OSBPL10: variants seen among roughly 807,000 people sequenced by gnomAD.
OSBPL10 encodes the protein oxysterol binding protein like 10.
OSBPL10 carries 49 observed loss-of-function variants against 81.7 expected under a neutral mutation model. That is an observed-to-expected ratio of 0.60 (90% CI 0.48 to 0.76). The LOEUF is 0.76. Ranked by LOEUF, OSBPL10 falls within the 30% of genes least tolerant of loss-of-function variation. The probability of loss-of-function intolerance (pLI) is 0.00; values close to 1 mark genes in which losing one functional copy is unlikely to be tolerated. For missense variants in OSBPL10, 923 were observed against 987.8 expected (o/e 0.93, Z 0.88); for synonymous variants, 419 against 383.6 (o/e 1.09, Z -1.08).
intron 4 of OSBPL10, among the ~76,000 whole-genome samples, chr3:31,826,445 C>T (rs13086512): frequency 0.33 from 50,113 of 152,016 alleles, 8,643 homozygotes; most frequent in East Asian, 0.61. Context: ...CTCAATTCCT[C>T]ATATTTTGGA....
chr3:31,744,684 C>T (rs1697466046), intron 5 of OSBPL10, among the ~76,000 whole-genome samples: 1 of 151,950 alleles, frequency 6.6e-6, no homozygotes, highest in Non-Finnish European at 1.5e-5. Flanking sequence ...CTCCCCTTTT[C>T]CCAATAATTT....
intron 4 of OSBPL10, among the ~76,000 whole-genome samples, chr3:31,809,035 C>G (rs987576516): frequency 6.6e-6 from 1 of 152,016 alleles, no homozygotes; most frequent in African/African-American, 2.4e-5. Flanking sequence ...GCATTTTCAG[C>G]AAAAGTAAGA....
At chr3:31,816,946 C>CA (rs1309170057) in intron 4 of OSBPL10, among the ~76,000 whole-genome samples, 2 of 152,288 alleles carry the variant, frequency 1.3e-5, no homozygotes, top group East Asian at 3.9e-4. Context: ...CAGCTATCAG[C>CA]AGAGAGGGTA....
At chr3:31,692,891 G>A (rs1047475981) in intron 7 of OSBPL10, among the ~76,000 whole-genome samples, 1 of 152,368 alleles carries the variant, frequency 6.6e-6, no homozygotes, top group Middle Eastern at 3.4e-3. Context: ...GACTACCATT[G>A]TGACTGTCAC....
intron 1 of OSBPL10, among the ~76,000 whole-genome samples, chr3:31,943,230 A>G (rs1241058675): frequency 6.6e-6 from 1 of 152,214 alleles, no homozygotes; most frequent in Non-Finnish European, 1.5e-5. Flanking sequence ...TGTGCATATA[A>G]ACCACATTTT....
At chr3:31,974,879 G>A (rs1215895771) in intron 1 of OSBPL10, among the ~76,000 whole-genome samples, 7 of 152,156 alleles carry the variant, frequency 4.6e-5, no homozygotes, top group African/African-American at 1.2e-4. Context: ...AAATTTACTC[G>A]CAAAACTCAG....
Position 31,784,477 on chromosome 3 carries a change from T to C in OSBPL10, c.730-36357A>G, listed in dbSNP as rs142088625. Among the ~76,000 whole-genome samples, 290 of 152,324 alleles carry C rather than the reference T, an allele frequency of 1.9e-3. 1 individual carries two copies. The highest frequency in any genetic ancestry group is 6.8e-3 in the African/African-American group (282 of 41,566). The stretch of plus-strand genomic sequence containing the variant: ...CCTTTGACCCCAACTTCTACTTGTA[T>C]TTATTATAAAGAAATAATCACAATC... On this transcript the variant is annotated intron_variant, in intron 4 of 11. Transcript: ENST00000396556.
At chr3:31,942,068 A>T (rs1697548246) in intron 1 of OSBPL10, among the ~76,000 whole-genome samples, 1 of 151,188 alleles carries the variant, frequency 6.6e-6, no homozygotes, top group Non-Finnish European at 1.5e-5. Flanking sequence ...AGGTCAGGAG[A>T]TTGAGACCAT....
chr3:31,976,201 C>T (rs1234220163), intron 1 of OSBPL10, among the ~76,000 whole-genome samples: 1 of 152,148 alleles, frequency 6.6e-6, no homozygotes, highest in Non-Finnish European at 1.5e-5. Context: ...TACTTAAAAA[C>T]AGACAAATTG....
intron 1 of OSBPL10, among the ~76,000 whole-genome samples, chr3:32,073,796 T>A (rs1174599545): frequency 6.6e-6 from 1 of 152,102 alleles, no homozygotes; most frequent in Admixed American, 6.6e-5. Flanking sequence ...CTCCAAGCCA[T>A]CACAGCTGAT....
chr3:31,975,507 G>A (rs762095508), intron 1 of OSBPL10, among the ~76,000 whole-genome samples: 11 of 152,176 alleles, frequency 7.2e-5, no homozygotes, highest in African/African-American at 1.7e-4. Flanking sequence ...AACACTCAAC[G>A]TATGTTGTTA....
At chr3:32,034,205 G>A (rs1173842869) in intron 2 of OSBPL10, among the ~76,000 whole-genome samples, 1 of 152,086 alleles carries the variant, frequency 6.6e-6, no homozygotes, top group Non-Finnish European at 1.5e-5. Flanking sequence ...TAGGGATTAC[G>A]GGGATTACAA....
At chr3:31,996,704 T>A (rs1176087544) in intron 2 of OSBPL10, among the ~76,000 whole-genome samples, 1 of 152,114 alleles carries the variant, frequency 6.6e-6, no homozygotes, top group Admixed American at 6.5e-5. Context: ...TCAAGTCAAT[T>A]TTTATAGGTT....
chr3:31,905,534 G>A (rs1696383988), intron 1 of OSBPL10, among the ~76,000 whole-genome samples: 1 of 151,594 alleles, frequency 6.6e-6, no homozygotes. Context: ...ATTTTTAGTA[G>A]AGACATGGTT....
chr3:32,070,073 A>G (rs1343120405), intron 1 of OSBPL10, among the ~76,000 whole-genome samples: 1 of 152,156 alleles, frequency 6.6e-6, no homozygotes, highest in Non-Finnish European at 1.5e-5. Flanking sequence ...GCAGCTGAAG[A>G]CTGACTCTGC....
chr3:31,974,569 A>G (rs1019371884), intron 1 of OSBPL10, among the ~76,000 whole-genome samples: 1 of 152,194 alleles, frequency 6.6e-6, no homozygotes, highest in African/African-American at 2.4e-5. Context: ...AAATAAACAG[A>G]CCACAACTAT....
rs946318644 is a variant in OSBPL10 at position 31,702,249 on chromosome 3, CTCT to C, written c.1245+107_1245+109del. The C allele has an allele frequency of 1.5e-5, 20 of 1,327,398 alleles. No homozygotes were observed. The African/African-American group carries it at 2.1e-4, about 14-fold the overall frequency. The allele number at this position is 1,327,398 out of a possible 1,614,324, so 82.2% of individuals were successfully genotyped here. A position where few individuals can be genotyped will look rare whatever the true frequency, so the allele number is the denominator to read the frequency against. On this transcript the variant is annotated intron_variant, in intron 7 of 11. Coordinates refer to ENST00000396556, the MANE Select transcript of OSBPL10 (RefSeq NM_017784.5). Reference sequence around the variant, plus strand: ...AAAGCAATGCTGGCCTTTTTCCCCACTCTTCTTCTCCAATCTCACCACAACGAA... The same window carrying C: ...AAAGCAATGCTGGCCTTTTTCCCCACTCTTCTCCAATCTCACCACAACGAA...
chr3:31,737,739 C>T (rs1450474043), intron 5 of OSBPL10, among the ~76,000 whole-genome samples: 4 of 152,102 alleles, frequency 2.6e-5, no homozygotes, highest in Admixed American at 2.0e-4. Context: ...TTCCTGTAAT[C>T]CCAGCACTTT....
chr3:32,074,167 C>A (rs1699855328), intron 1 of OSBPL10, among the ~76,000 whole-genome samples: 1 of 152,134 alleles, frequency 6.6e-6, no homozygotes, highest in African/African-American at 2.4e-5. Flanking sequence ...ATAGCCCTCA[C>A]TTTACCCGCC....
Sources: allele counts gnomAD v4.1 joint callset (sites outside exome capture counted in the v4.1 genomes callset), GRCh38; gene constraint gnomAD v4.1.1; transcripts MANE v1.5; gene names NCBI Gene and HGNC (gene_info 2026-07-23, HGNC 2026-07-21).